BIRC5: variants seen among roughly 807,000 people sequenced by gnomAD.
BIRC5 encodes the protein baculoviral IAP repeat-containing protein 5.
BIRC5 carries 8 observed loss-of-function variants against 15.8 expected under a neutral mutation model. The ratio of observed to expected loss-of-function variants is 0.51; its 90% CI spans 0.30 to 0.91. BIRC5 has a LOEUF of 0.91. Ranked by LOEUF, BIRC5 falls within the 40% of genes least tolerant of loss-of-function variation. The probability of loss-of-function intolerance (pLI) is 0.07; values close to 1 mark genes in which losing one functional copy is unlikely to be tolerated. For synonymous variants in BIRC5, 56 were observed against 64.5 expected, an observed-to-expected ratio of 0.87 and a Z score of 0.63; for missense variants, 163 against 178.6, an observed-to-expected ratio of 0.91 and a Z score of 0.50.
At position 78,216,739 on chromosome 17, in the gene BIRC5, T is replaced by G. The variant is rs769025495; in HGVS notation, c.297T>G (p.Gly99=). 9.3e-6 allele frequency: 15 copies of G among 1,613,938 alleles called. No homozygotes were observed. In the African/African-American group the frequency reaches 1.9e-4, roughly 20 times the overall value. ...AGCAGTTTGAAGAATTAACCCTTGG[T>G]GAATTTTTGAAACTGGACAGAGAAA... The part of the protein sequence containing the change: ...VKKQFEELTL[G]EFLKLDRERA... Residue 99 remains glycine, a synonymous_variant, in exon 3 of 4, where the codon GGT becomes GGG. Coordinates refer to ENST00000350051, the MANE Select transcript of BIRC5 (RefSeq NM_001168.3).
At chr17:78,216,132 C>A (rs918758142) in intron 2 of BIRC5, 1 of 217,746 alleles carries the variant, frequency 4.6e-6, no homozygotes, top group Admixed American at 6.5e-5. Context: ...GCCTGTAGTC[C>A]CAGCTACTCG....
At chr17:78,218,760 G>A (rs760045674) in intron 3 of BIRC5, among the ~76,000 whole-genome samples, 2 of 151,842 alleles carry the variant, frequency 1.3e-5, no homozygotes, top group Non-Finnish European at 2.9e-5. Context: ...CCACCACCAC[G>A]CCTGGCTAAT....
At chr17:78,218,203 C>A (rs2076492963) in intron 3 of BIRC5, among the ~76,000 whole-genome samples, 3 of 151,942 alleles carry the variant, frequency 2.0e-5, no homozygotes, top group Admixed American at 2.0e-4. Context: ...AAGTAAATCC[C>A]ACATTTTGTG....
At chr17:78,222,501 T>G (rs1208815611) in intron 3 of BIRC5, among the ~76,000 whole-genome samples, 1 of 151,938 alleles carries the variant, frequency 6.6e-6, no homozygotes, top group Non-Finnish European at 1.5e-5. Context: ...ACCCCATCTC[T>G]ACTAAAAATA....
At chr17:78,223,258 G>A (rs1357370128) in intron 3 of BIRC5, among the ~76,000 whole-genome samples, 3 of 152,198 alleles carry the variant, frequency 2.0e-5, no homozygotes, top group Admixed American at 1.3e-4. Context: ...CCTGTTATTC[G>A]ATGATTAGGA....
Position 78,224,308 on chromosome 17 carries a change from T to C in BIRC5, c.*754T>C, listed in dbSNP as rs1053538596. 1 of 152,190 alleles carries C rather than the reference T, an allele frequency of 6.6e-6. No individual in the cohort carries two copies. Among genetic ancestry groups the C allele is most frequent in the South Asian group, 2.1e-4 (1 of 4,830 alleles). The allele number at this position is 152,190 out of a possible 1,614,324, so 9.4% of individuals were successfully genotyped here. On this transcript the variant is annotated 3_prime_UTR_variant, in exon 4 of 4. Transcript: ENST00000350051. The stretch of plus-strand genomic sequence containing the variant: ...TAGGAAGCGTCTGGCAGATACTCCT[T>C]TTGCCACTGCTGTGTGATTAGACAG...
chr17:78,218,397 G>A (rs189141869), intron 3 of BIRC5, among the ~76,000 whole-genome samples: 1,857 of 142,326 alleles, frequency 0.013, 27 homozygotes, highest in Non-Finnish European at 0.016. Flanking sequence ...GGGGTCAAGC[G>A]ATTCTCCTGC....
chr17:78,214,357 T>G lies in BIRC5; in HGVS notation c.41T>G (p.Leu14Arg). ...TTGCCCCCTGCCTGGCAGCCCTTTC[T>G]CAAGGACCACCGCATCTCTACATTC... ...PTLPPAWQPF[L>R]KDHRISTFKN... The change falls in exon 1 of 4, where the codon CTC becomes CGC. Residue 14 changes from leucine to arginine, a missense_variant. By Grantham distance (102) the Leu-to-Arg change is moderately radical. Coordinates refer to ENST00000350051, the MANE Select transcript of BIRC5 (RefSeq NM_001168.3). The G allele has an allele frequency of 6.2e-7, 1 of 1,609,508 alleles. No individual in the cohort carries two copies. Among genetic ancestry groups the G allele is most frequent in the Non-Finnish European group, 8.5e-7 (1 of 1,178,202 alleles).
intron 3 of BIRC5, among the ~76,000 whole-genome samples, chr17:78,222,299 T>C (rs1033265736): frequency 6.6e-6 from 1 of 151,220 alleles, no homozygotes; most frequent in Non-Finnish European, 1.5e-5. Flanking sequence ...AAATTATAAA[T>C]TTATATTAAA....
At chr17:78,217,037 A>G (rs1201156680) in intron 3 of BIRC5, among the ~76,000 whole-genome samples, 1 of 151,946 alleles carries the variant, frequency 6.6e-6, no homozygotes, top group African/African-American at 2.4e-5. Flanking sequence ...GTGCCACCAC[A>G]CCCAGCTAAT....
intron 2 of BIRC5, chr17:78,216,414 A>T (rs1436126282): frequency 4.9e-6 from 2 of 405,954 alleles, no homozygotes; most frequent in Non-Finnish European, 9.2e-6. Context: ...AAGGAAGTCC[A>T]GATAAAATAG....
chr17:78,219,473 C>T (rs2076501745), intron 3 of BIRC5, among the ~76,000 whole-genome samples: 2 of 152,198 alleles, frequency 1.3e-5, no homozygotes, highest in Non-Finnish European at 2.9e-5. Flanking sequence ...GTGTGAACCA[C>T]CACACCTGGC....
At chr17:78,214,572 G>A (rs2076463978) in intron 1 of BIRC5, 108 bp from the exon 2 acceptor site, 2 of 1,298,896 alleles carry the variant, frequency 1.5e-6, no homozygotes, top group Non-Finnish European at 2.1e-6. Flanking sequence ...GGCCCCTTGG[G>A]TCCAGGCCGG....
In BIRC5 at chr17:78,216,035, G is replaced by A. The variant is rs1198585581; in HGVS notation, c.222-629G>A. On this transcript the variant is annotated intron_variant, in intron 2 of 3. Coordinates refer to ENST00000350051, the MANE Select transcript of BIRC5 (RefSeq NM_001168.3). ...GAGGCCGAGGCGGGCGGATCACGAG[G>A]TCAGGAGATCGAGACCATCTTGGCT... 6.2e-6 allele frequency: 6 copies of A among 964,262 alleles called. No homozygotes were observed. In the African/African-American group the frequency reaches 1.1e-4, roughly 17 times the overall value. The allele number at this position is 964,262 out of a possible 1,614,324, so 59.7% of individuals were successfully genotyped here.
intron 3 of BIRC5, among the ~76,000 whole-genome samples, chr17:78,218,933 A>G (rs950878541): frequency 1.3e-5 from 2 of 152,014 alleles, no homozygotes; most frequent in African/African-American, 4.8e-5. Context: ...TTATTTGCTA[A>G]GTCTGGCAGC....
intron 3 of BIRC5, among the ~76,000 whole-genome samples, chr17:78,220,923 G>C (rs2145899252): frequency 6.6e-6 from 1 of 152,232 alleles, no homozygotes. Context: ...GTGATGCTGG[G>C]GATTCCCAAG....
chr17:78,218,357 G>A (rs1421844191), intron 3 of BIRC5, among the ~76,000 whole-genome samples: 6 of 150,924 alleles, frequency 4.0e-5, no homozygotes, highest in East Asian at 2.0e-4. Flanking sequence ...GCAGTGGCAC[G>A]ATCTCGGCTC....
At chr17:78,216,961 C>T (rs548050616) in intron 3 of BIRC5, among the ~76,000 whole-genome samples, 180 bp downstream of exon 3, 18 of 151,942 alleles carry the variant, frequency 1.2e-4, no homozygotes, top group Non-Finnish European at 2.2e-4. Context: ...CTCACTGCAA[C>T]CTCTGCCTCT....
chr17:78,218,228 A>C (rs2076493078), intron 3 of BIRC5, among the ~76,000 whole-genome samples: 1 of 152,042 alleles, frequency 6.6e-6, no homozygotes, highest in South Asian at 2.1e-4. Context: ...TATTTACTAG[A>C]AACTTAGTCA....
Sources: gnomAD v4.1 joint callset for allele counts (sites outside exome capture counted in the v4.1 genomes callset) on GRCh38, gnomAD v4.1.1 for gene constraint, MANE v1.5 for transcripts, NCBI Gene and HGNC (gene_info 2026-07-23, HGNC 2026-07-21) for gene names.